Variants in DCHS1 observed in about 807,000 individuals in gnomAD.
DCHS1 encodes dachsous cadherin-related 1.
A neutral mutation model predicts 213.9 loss-of-function variants in DCHS1; 78 were observed. That is an observed-to-expected ratio of 0.36 (90% CI 0.30 to 0.44). The LOEUF is 0.44. Among genes scored for constraint, DCHS1 ranks in the 20% least tolerant of loss-of-function variants. The pLI is 1.00. For missense variants in DCHS1, 3,946 were observed against 4,395.9 expected, an observed-to-expected ratio of 0.90 and a Z score of 2.89; for synonymous variants, 1,828 against 1,873.7, an observed-to-expected ratio of 0.98 and a Z score of 0.63.
chr11:6,627,131 G>A lies in DCHS1; in HGVS notation c.5908C>T (p.Pro1970Ser), dbSNP rs1435983023. The change falls in exon 14 of 21, where the codon CCC (proline) becomes TCC (serine). Residue 1970 changes from proline (P) to serine (S), a missense_variant. Pro to Ser is a moderately conservative substitution (Grantham distance 74). Around this residue, in one of 3 missense-constraint regions of DCHS1, gnomAD observed 3,384 missense variants for 3,780.1 expected, o/e 0.90. Transcript: ENST00000299441. This position sits in a 1 kb window ranked among gnomAD's most constrained non-coding sequence, Gnocchi z 5.4. ...GTACTGAAGCTGGGGCCTGGGCGGG[G>A]CAGACGTAGGCGCAGAGGACTGGTG... ...FPTSPLRLRL[P>S]RPGPSFSTPT... is the part of the protein sequence containing the mutation. The A allele has an allele frequency of 5.6e-6, 9 of 1,612,550 alleles. No homozygotes were observed. The highest frequency in any genetic ancestry group is 7.6e-6 in the Non-Finnish European group (9 of 1,179,310).
Position 6,625,525 on chromosome 11 carries a change from C to G in DCHS1, c.6863-44G>C, listed in dbSNP as rs1855782301. The G allele has an allele frequency of 3.1e-6, 5 of 1,609,802 alleles. No individual in the cohort carries two copies. In the East Asian group the frequency reaches 8.9e-5, roughly 29 times the overall value. ...GTGTGTTTGGCAATGGACACAGCCC[C>G]ACCTTGAGCTGCAGGGTGGAGAAAA... On this transcript the variant is annotated intron_variant, in intron 18 of 20. Coordinates refer to ENST00000299441, the MANE Select transcript of DCHS1 (RefSeq NM_003737.4). The surrounding 1 kb of genome is among the most constrained non-coding windows in gnomAD (Gnocchi z 5.3).
rs371484662 is a variant in DCHS1, at chr11:6,623,555, T to C, written c.8121A>G (p.Pro2707=). 1.8e-5 allele frequency: 29 copies of C among 1,612,668 alleles called. No individual in the cohort carries two copies. Among genetic ancestry groups the C allele is most frequent in the Non-Finnish European group, 2.3e-5 (27 of 1,179,472 alleles). Residue 2707 remains proline (P), a synonymous_variant, in exon 21 of 21, where the codon CCA becomes CCG. Coordinates refer to ENST00000299441, the MANE Select transcript of DCHS1 (RefSeq NM_003737.4). ...QDVNDHGPAF[P]LNLLSTSVAE... ...CCACGCTGGTGCTGAGTAAGTTCAG[T>C]GGGAAGGCTGGGCCATGATCATTCA...
Position 6,621,849 on chromosome 11 carries a change from C to A in DCHS1, c.9827G>T (p.Gly3276Val), listed in dbSNP as rs1212324746. 1 of 1,610,704 alleles carries A rather than the reference C, an allele frequency of 6.2e-7. No homozygotes were observed. The highest frequency in any genetic ancestry group is 1.3e-5 in the African/African-American group (1 of 74,990). ...PVVSPFGVAQ[G>V]PSASALSAES... Reference sequence around the variant, plus strand: ...TGCGCTGAGTGCTGAGGCTGAGGGACCCTGGGCCACCCCAAATGGTGAGAC... The same window carrying A: ...TGCGCTGAGTGCTGAGGCTGAGGGAACCTGGGCCACCCCAAATGGTGAGAC... Residue 3276 changes from glycine (G) to valine (V), a missense_variant, in exon 21 of 21, where the codon GGT becomes GTT. Physicochemically the swap from Gly to Val is moderately radical, Grantham distance 109. Coordinates refer to ENST00000299441, the MANE Select transcript of DCHS1 (RefSeq NM_003737.4).
intron 5 of DCHS1, 44 bp downstream of exon 5, chr11:6,633,368 G>A (rs934975296): frequency 1.1e-5 from 16 of 1,518,226 alleles, no homozygotes; most frequent in Non-Finnish European, 1.4e-5. Context: ...GTTATACTGG[G>A]GTATTTGGGT....
chr11:6,642,681 G>A (rs1320386602), intron 1 of DCHS1, among the ~76,000 whole-genome samples: 1 of 152,090 alleles, frequency 6.6e-6, no homozygotes, highest in Admixed American at 6.6e-5. Context: ...GGGGCAGAGG[G>A]TATGAAATGA....
At chr11:6,643,859 T>C (rs1856116663) in intron 1 of DCHS1, among the ~76,000 whole-genome samples, 1 of 152,176 alleles carries the variant, frequency 6.6e-6, no homozygotes, top group South Asian at 2.1e-4. Context: ...CCTTTTCCTG[T>C]GAATAGGGCC....
chr11:6,630,361 C>A lies in DCHS1; in HGVS notation c.4433G>T (p.Arg1478Leu). The change falls in exon 10 of 21, where the codon CGC becomes CTC. Residue 1478 changes from arginine (R) to leucine (L), a missense_variant. Coordinates refer to ENST00000299441, the MANE Select transcript of DCHS1 (RefSeq NM_003737.4). ...PNSDVRYRLL[R>L]QEPPVPALRL... The stretch of plus-strand genomic sequence containing the variant: ...AAGCGCCGGCACGGGCGGCTCCTGG[C>A]GCAGCAGGCGGTAGCGCACGTCGCT... 1.5e-6 allele frequency: 2 copies of A among 1,319,582 alleles called. No homozygotes were observed. Among genetic ancestry groups the A allele is most frequent in the Non-Finnish European group, 1.9e-6 (2 of 1,036,700 alleles). 81.7% of individuals were successfully genotyped at this position (1,319,582 alleles called of 1,614,324 possible).
intron 1 of DCHS1, among the ~76,000 whole-genome samples, chr11:6,647,558 GC>G (rs1856181788): frequency 1.3e-5 from 2 of 152,202 alleles, no homozygotes; most frequent in Non-Finnish European, 1.5e-5. Flanking sequence ...TATTTTCTGA[GC>G]TTTTATGGTG....
chr11:6,626,281 G>A lies in DCHS1; in HGVS notation c.6464C>T (p.Thr2155Ile). Residue 2155 changes from threonine (T) to isoleucine (I), a missense_variant, in exon 16 of 21, where the codon ACT becomes ATT. By Grantham distance (89) the Thr-to-Ile change is moderately conservative (BLOSUM62 -1). Transcript: ENST00000299441. This position sits in a 1 kb window ranked among gnomAD's most constrained non-coding sequence, Gnocchi z 5.2. The part of the protein sequence containing the change: ...QAESGGAFAF[T>I]VLTLTLQDAN... Reference sequence around the variant, plus strand: ...ATCTTGCAGGGTCAGGGTCAGCACAGTGAAGGCAAAGGCTCCTCCACTCTC... The same window carrying A: ...ATCTTGCAGGGTCAGGGTCAGCACAATGAAGGCAAAGGCTCCTCCACTCTC... 2.5e-6 allele frequency: 4 copies of A among 1,613,280 alleles called. No individual in the cohort carries two copies. The highest frequency in any genetic ancestry group is 3.4e-6 in the Non-Finnish European group (4 of 1,179,592).
chr11:6,626,330 G>A lies in DCHS1; in HGVS notation c.6415C>T (p.Arg2139Trp), dbSNP rs145429962. 2.5e-5 allele frequency: 40 copies of A among 1,613,524 alleles called. No individual in the cohort carries two copies. The African/African-American group carries it at 2.9e-4, about 12-fold the overall frequency. ...TCTGCCTGCAGCACCAGTCGCAGCC[G>A]TGGACTCACCTCGAAGTCTAGCCCC... The part of the protein sequence containing the change: ...AEGLDFEVSP[R>W]LRLVLQAESG... The change falls in exon 16 of 21, where the codon CGG becomes TGG. Residue 2139 changes from arginine (R) to tryptophan (W), a missense_variant. Arg to Trp is a moderately radical substitution (Grantham distance 101). Coordinates refer to ENST00000299441, the MANE Select transcript of DCHS1 (RefSeq NM_003737.4). The surrounding 1 kb of genome is among the most constrained non-coding windows in gnomAD (Gnocchi z 5.2).
At chr11:6,633,125 G>C (rs1855937969) in intron 5 of DCHS1, 69 bp from the exon 6 acceptor site, 1 of 1,521,622 alleles carries the variant, frequency 6.6e-7, no homozygotes, top group Admixed American at 1.9e-5. Flanking sequence ...CCCAGAGTCT[G>C]ATCCCGAGAA....
chr11:6,621,847 G>A lies in DCHS1; in HGVS notation c.9829C>T (p.Pro3277Ser), dbSNP rs748284124. Reference protein sequence around the residue: ...VVSPFGVAQGPSASALSAESG... With the variant: ...VVSPFGVAQGSSASALSAESG... ...TCTGCGCTGAGTGCTGAGGCTGAGG[G>A]ACCCTGGGCCACCCCAAATGGTGAG... Residue 3277 changes from proline (P) to serine (S), a missense_variant, in exon 21 of 21, where the codon CCC (proline) becomes TCC (serine). Coordinates refer to ENST00000299441, the MANE Select transcript of DCHS1 (RefSeq NM_003737.4). 8 of 1,610,756 alleles carry A rather than the reference G, an allele frequency of 5.0e-6. No homozygotes were observed. The highest frequency in any genetic ancestry group is 6.8e-6 in the Non-Finnish European group (8 of 1,178,636).
In DCHS1 at chr11:6,624,200, A is replaced by G; in HGVS notation, c.7476T>C (p.Thr2492=). ...FTLSHYRVAV[T]EDLPPGSTLL... is the part of the protein sequence containing the mutation. Reference sequence around the variant, plus strand: ...GAGTGGAGCCAGGGGGCAGGTCTTCAGTCACAGCCACACGGTAGTGTGACA... The same window carrying G: ...GAGTGGAGCCAGGGGGCAGGTCTTCGGTCACAGCCACACGGTAGTGTGACA... Residue 2492 remains threonine (T), a synonymous_variant, in exon 21 of 21, where the codon ACT becomes ACC. Transcript: ENST00000299441. 6.2e-7 allele frequency: 1 copy of G among 1,613,346 alleles called. No homozygotes were observed.
At chr11:6,633,375 G>A (rs754730350) in intron 5 of DCHS1, 37 bp downstream of exon 5, 2 of 1,531,556 alleles carry the variant, frequency 1.3e-6, no homozygotes, top group Non-Finnish European at 1.8e-6. Context: ...TGGGGTATTT[G>A]GGTCTGACAC....
intron 3 of DCHS1, 38 bp downstream of exon 3, chr11:6,634,080 C>T: frequency 1.3e-6 from 2 of 1,599,130 alleles, no homozygotes; most frequent in Non-Finnish European, 1.7e-6. Flanking sequence ...GAGTGCCCTA[C>T]CCCAACATCC....
rs761040392 is a variant in DCHS1 at position 6,630,436 on chromosome 11, G to T, written c.4358C>A (p.Ala1453Glu). 1 of 1,503,444 alleles carries T rather than the reference G, an allele frequency of 6.7e-7. No individual in the cohort carries two copies. Among genetic ancestry groups the T allele is most frequent in the South Asian group, 1.2e-5 (1 of 82,652 alleles). 93.1% of individuals were successfully genotyped at this position (1,503,444 alleles called of 1,614,324 possible). ...LALPENPEPG[A>E]ALYTFRASDA... Reference sequence around the variant, plus strand: ...CGACGCGCGGAAAGTGTACAGCGCTGCGCCGGGCTCCGGGTTCTCTGGCAG... The same window carrying T: ...CGACGCGCGGAAAGTGTACAGCGCTTCGCCGGGCTCCGGGTTCTCTGGCAG... The change falls in exon 10 of 21, where the codon GCA (alanine) becomes GAA (glutamate). Residue 1453 changes from alanine (A) to glutamate (E), a missense_variant. Ala to Glu is a moderately radical substitution (Grantham distance 107, BLOSUM62 -1). This residue lies in a region of DCHS1 where 3,384 missense variants were observed against 3,780.1 expected (regional missense o/e 0.90). Coordinates refer to ENST00000299441, the MANE Select transcript of DCHS1 (RefSeq NM_003737.4).
chr11:6,641,219 C>G lies in DCHS1; in HGVS notation c.395G>C (p.Arg132Pro), dbSNP rs771891400. 1 of 1,613,734 alleles carries G rather than the reference C, an allele frequency of 6.2e-7. No homozygotes were observed. Among genetic ancestry groups the G allele is most frequent in the South Asian group, 1.1e-5 (1 of 91,090 alleles). ...PDGATVEVTV[R>P]VADINDHAPA... ...AGCATGGTCGTTGATGTCAGCCACT[C>G]GCACTGTAACTTCTACGGTGGCACC... The change falls in exon 2 of 21, where the codon CGA becomes CCA. Residue 132 changes from arginine (R) to proline (P), a missense_variant. By Grantham distance (103) the Arg-to-Pro change is moderately radical (BLOSUM62 -2). This residue lies in a region of DCHS1 where 3,384 missense variants were observed against 3,780.1 expected (regional missense o/e 0.90). Transcript: ENST00000299441. This position sits in a 1 kb window ranked among gnomAD's most constrained non-coding sequence, Gnocchi z 7.1.
intron 1 of DCHS1, among the ~76,000 whole-genome samples, chr11:6,649,834 A>G (rs1856219627): frequency 6.6e-6 from 1 of 152,140 alleles, no homozygotes; most frequent in Admixed American, 6.5e-5. Context: ...AAAGTTGGAG[A>G]TGTAGCAACC....
chr11:6,623,518 G>A lies in DCHS1; in HGVS notation c.8158C>T (p.Pro2720Ser), dbSNP rs1250724698. The change falls in exon 21 of 21, where the codon CCT becomes TCT. Residue 2720 changes from proline (P) to serine (S), a missense_variant. Around this residue, in one of 3 missense-constraint regions of DCHS1, gnomAD observed 3,384 missense variants for 3,780.1 expected, o/e 0.90. Transcript: ENST00000299441. ...LLSTSVAENQ[P>S]PGTLVTTLHA... ...AGAGTGGTCACGAGAGTGCCTGGAG[G>A]CTGATTCTCGGCCACGCTGGTGCTG... 3 of 1,604,794 alleles carry A rather than the reference G, an allele frequency of 1.9e-6. No individual in the cohort carries two copies. The highest frequency in any genetic ancestry group is 2.6e-6 in the Non-Finnish European group (3 of 1,175,800).
Sources: gnomAD v4.1 joint callset for allele counts (sites outside exome capture counted in the v4.1 genomes callset) on GRCh38, gnomAD v4.1.1 for gene constraint, gnomAD v4.1.1 regional missense constraint, Gnocchi (gnomAD v3.1) non-coding constraint, MANE v1.5 for transcripts, NCBI Gene and HGNC (gene_info 2026-07-23, HGNC 2026-07-21) for gene names.